The following KCNQ1 variants were observed in gnomAD, a reference collection of about 807,000 sequenced individuals.
KCNQ1 encodes potassium voltage-gated channel subfamily Q member 1, also known as potassium voltage-gated channel subfamily KQT member 1.
In KCNQ1, 49 loss-of-function variants were observed where a neutral mutation model predicts 72.4. The ratio of observed to expected loss-of-function variants is 0.68; its 90% CI spans 0.54 to 0.86. The LOEUF (loss-of-function observed/expected upper bound fraction) is 0.86, where lower values mean the gene tolerates loss of function less well. KCNQ1 is among the 40% of genes least tolerant of loss of function. The probability of loss-of-function intolerance (pLI) is 0.00; values close to 1 mark genes in which losing one functional copy is unlikely to be tolerated. For missense variants in KCNQ1, 790 were observed against 945.1 expected, an observed-to-expected ratio of 0.84 and a Z score of 2.15; for synonymous variants, 450 against 412.6, an observed-to-expected ratio of 1.09 and a Z score of -1.10.
At chr11:2,743,253 G>T (rs945837524) in intron 11 of KCNQ1, among the ~76,000 whole-genome samples, 1 of 152,128 alleles carries the variant, frequency 6.6e-6, no homozygotes, top group Non-Finnish European at 1.5e-5. Context: ...CATTGACTCC[G>T]AGGGTCTTCA....
intron 11 of KCNQ1, among the ~76,000 whole-genome samples, chr11:2,701,856 GAGATACCTGCA>G (rs1321394802): frequency 7.9e-5 from 12 of 152,250 alleles, no homozygotes; most frequent in Non-Finnish European, 1.6e-4. Flanking sequence ...CTGCAATGCA[GAGATACCTGCA>G]AGTCTCATTT....
chr11:2,622,147 C>G (rs7939222), intron 10 of KCNQ1: 20 of 398,290 alleles, frequency 5.0e-5, no homozygotes, highest in African/African-American at 3.7e-4. Flanking sequence ...ACTGAAAGTA[C>G]GTTATTGAAG....
At chr11:2,648,981 C>CTTTTTTTTTTTTTTTCTTTTTT (rs1849711116) in intron 10 of KCNQ1, 1 of 213,306 alleles carries the variant, frequency 4.7e-6, no homozygotes, top group Non-Finnish European at 7.8e-6. Flanking sequence ...TTTTCTTTTT[C>CTTTTTTTTTTTTTTTCTTTTTT]TTTTTTTTTT....
At chr11:2,706,956 G>C (rs1358778130) in intron 11 of KCNQ1, among the ~76,000 whole-genome samples, 1 of 152,214 alleles carries the variant, frequency 6.6e-6, no homozygotes, top group Non-Finnish European at 1.5e-5. Context: ...GAAACTGACA[G>C]TTGGAATGTG....
Position 2,792,116 on chromosome 11 carries a change from G to A in KCNQ1, c.1794+14079G>A, listed in dbSNP as rs563484568. ...CCGGCGCTTCCATTCATGCCTTCCCGGGTCCCTCCGCCACCCCTGCAGGCC... is the reference window on the plus strand; with the variant it reads ...CCGGCGCTTCCATTCATGCCTTCCCAGGTCCCTCCGCCACCCCTGCAGGCC... On this transcript the variant is annotated intron_variant, in intron 15 of 15. Coordinates refer to ENST00000155840, the MANE Select transcript of KCNQ1 (RefSeq NM_000218.3). Among the ~76,000 whole-genome samples, 9 of 152,226 alleles carry A rather than the reference G, an allele frequency of 5.9e-5. No individual in the cohort carries two copies. In the South Asian group the frequency reaches 1.9e-3, roughly 32 times the overall value.
At position 2,496,495 on chromosome 11, in the gene KCNQ1, C is replaced by CTTTTTTTTTTTTTTTTTTT; in HGVS notation, c.387-31426_387-31408dup. On this transcript the variant is annotated intron_variant, in intron 1 of 15. Transcript: ENST00000155840. ...AAAATGGCTAGGATCACAACCCCTG[C>CTTTTTTTTTTTTTTTTTTT]TTTTTTTTTTTTTTTTTTTTTTTTT... Among the ~76,000 whole-genome samples, 81 of 29,844 alleles carry CTTTTTTTTTTTTTTTTTTT rather than the reference C, an allele frequency of 2.7e-3. 14 individuals carry two copies. The highest frequency in any genetic ancestry group is 5.3e-3 in the South Asian group (2 of 378). 19.6% of individuals were successfully genotyped at this position (29,844 alleles called of 152,430 possible).
At position 2,516,558 on chromosome 11, in the gene KCNQ1, C is replaced by G. The variant is rs1027980935; in HGVS notation, c.387-11370C>G. 1.3e-4 allele frequency among the ~76,000 whole-genome samples: 20 copies of G among 152,150 alleles called. No individual in the cohort carries two copies. Among genetic ancestry groups the G allele is most frequent in the African/African-American group, 4.8e-4 (20 of 41,428 alleles). ...GTTGCCCTTGCTTGATGTTTACATGCCACTGTTGGGTGCTCCTGATTGTGT... is the reference window on the plus strand; with the variant it reads ...GTTGCCCTTGCTTGATGTTTACATGGCACTGTTGGGTGCTCCTGATTGTGT... On this transcript the variant is annotated intron_variant, in intron 1 of 15. Transcript: ENST00000155840. The surrounding 1 kb of genome is among the most constrained non-coding windows in gnomAD (Gnocchi z 7.0).
At chr11:2,749,268 G>C (rs573028297) in intron 11 of KCNQ1, among the ~76,000 whole-genome samples, 1 of 152,308 alleles carries the variant, frequency 6.6e-6, no homozygotes, top group South Asian at 2.1e-4. Flanking sequence ...TCTGCAGGGA[G>C]GGGTTTGGGG....
At chr11:2,756,951 TAAAAAAAAAAAAAAAAA>T (rs58284663) in intron 11 of KCNQ1, among the ~76,000 whole-genome samples, 4 of 50,996 alleles carry the variant, frequency 7.8e-5, no homozygotes, top group East Asian at 1.1e-3. Flanking sequence ...AAGAGCATCT[TAAAAAAAAAAAAAAAAA>T]AAAAAAAAAA....
chr11:2,652,680 T>G lies in KCNQ1; in HGVS notation c.1394-9281T>G, dbSNP rs1470981697. Reference sequence around the variant, plus strand: ...GACCCGGGTGGGTCGATTTTAGTTGTGTGGGTGGCTGTGTTGCTCTCTTTC... The same window carrying G: ...GACCCGGGTGGGTCGATTTTAGTTGGGTGGGTGGCTGTGTTGCTCTCTTTC... On this transcript the variant is annotated intron_variant, in intron 10 of 15. Transcript: ENST00000155840. The surrounding 1 kb of genome is among the most constrained non-coding windows in gnomAD (Gnocchi z 5.9). 5.3e-5 allele frequency: 21 copies of G among 398,756 alleles called. No homozygotes were observed. In the East Asian group the frequency reaches 7.5e-4, roughly 14 times the overall value. 24.7% of individuals were successfully genotyped at this position (398,756 alleles called of 1,614,324 possible).
At chr11:2,649,790 A>G (rs373144795) in intron 10 of KCNQ1, 1 of 398,408 alleles carries the variant, frequency 2.5e-6, no homozygotes. Flanking sequence ...TTAGGGTTGA[A>G]TCTATTTAGG....
intron 1 of KCNQ1, among the ~76,000 whole-genome samples, chr11:2,449,456 A>G (rs1163683148): frequency 6.6e-6 from 1 of 152,172 alleles, no homozygotes; most frequent in Non-Finnish European, 1.5e-5. Flanking sequence ...GCTGGGCCTG[A>G]AGGCCTGGGA....
At chr11:2,684,232 C>A in intron 11 of KCNQ1, 3 of 398,598 alleles carry the variant, frequency 7.5e-6, no homozygotes. Flanking sequence ...GTTAACTGAC[C>A]CTACCCAGTA....
At chr11:2,467,194 A>G (rs1254002859) in intron 1 of KCNQ1, among the ~76,000 whole-genome samples, 1 of 152,004 alleles carries the variant, frequency 6.6e-6, no homozygotes, top group Non-Finnish European at 1.5e-5. Context: ...GCAGGGGTGG[A>G]AGTGGGCTGT....
intron 10 of KCNQ1, chr11:2,650,938 C>CT: frequency 2.5e-6 from 1 of 398,370 alleles, no homozygotes. Context: ...TTAAATTATC[C>CT]TTTTTTCTTA....
rs1849601243 is a variant in KCNQ1 at position 2,642,834 on chromosome 11, G to C, written c.1394-19127G>C. The C allele has an allele frequency of 1.3e-5, 5 of 397,704 alleles. No homozygotes were observed. Among genetic ancestry groups the C allele is most frequent in the African/African-American group, 2.1e-5 (1 of 48,560 alleles). 24.6% of individuals were successfully genotyped at this position (397,704 alleles called of 1,614,324 possible). ...CTTTCCTCTTAGCATTGCTTTTGCA[G>C]TATCCCTTAAGTTTCAGAATGTTGT... On this transcript the variant is annotated intron_variant, in intron 10 of 15. Transcript: ENST00000155840. The surrounding 1 kb of genome is among the most constrained non-coding windows in gnomAD (Gnocchi z 4.3).
chr11:2,615,930 G>A, intron 10 of KCNQ1: 1 of 397,998 alleles, frequency 2.5e-6, no homozygotes, highest in Non-Finnish European at 4.4e-6. Flanking sequence ...AGTTTGAGAG[G>A]GATTGGTGTG....
chr11:2,848,780 A>C lies in KCNQ1; in HGVS notation c.*777A>C. The stretch of plus-strand genomic sequence containing the variant: ...CCTCGCCCAGTCCCAGCAGCCAGCC[A>C]AACACACAGAAGGGGACTGCCACCT... On this transcript the variant is annotated 3_prime_UTR_variant, in exon 16 of 16. Coordinates refer to ENST00000155840, the MANE Select transcript of KCNQ1 (RefSeq NM_000218.3). 2.2e-6 allele frequency: 1 copy of C among 454,128 alleles called. No homozygotes were observed. The highest frequency in any genetic ancestry group is 4.4e-6 in the Non-Finnish European group (1 of 226,770). 28.1% of individuals were successfully genotyped at this position (454,128 alleles called of 1,614,324 possible). A position where few individuals can be genotyped will look rare whatever the true frequency, so the allele number is the denominator to read the frequency against.
At chr11:2,801,832 C>T (rs1177076923) in intron 15 of KCNQ1, among the ~76,000 whole-genome samples, 1 of 152,232 alleles carries the variant, frequency 6.6e-6, no homozygotes, top group Non-Finnish European at 1.5e-5. Flanking sequence ...CCACTGCCTG[C>T]GCCAGGGAAG....
Sources: allele counts gnomAD v4.1 joint callset (sites outside exome capture counted in the v4.1 genomes callset), GRCh38; gene constraint gnomAD v4.1.1; non-coding constraint Gnocchi (gnomAD v3.1); transcripts MANE v1.5; gene names NCBI Gene and HGNC (gene_info 2026-07-23, HGNC 2026-07-21).